ARHGEF10: variants seen among roughly 807,000 people sequenced by gnomAD.
ARHGEF10 encodes Rho guanine nucleotide exchange factor 10, also known as Rho guanine nucleotide exchange factor (GEF) 10.
In ARHGEF10, 140 loss-of-function variants were observed where a neutral mutation model predicts 147.4. The observed-to-expected ratio is 0.95, with a 90% confidence interval of 0.83 to 1.09. The LOEUF (loss-of-function observed/expected upper bound fraction) is 1.09. Among genes scored for constraint, ARHGEF10 ranks in the 50% least tolerant of loss-of-function variants. The probability of loss-of-function intolerance (pLI) is 0.00; values close to 1 mark genes in which losing one functional copy is unlikely to be tolerated. For missense variants in ARHGEF10, 2,222 were observed against 1,752.7 expected (o/e 1.27, Z -4.78); for synonymous variants, 902 against 695.8 (o/e 1.30, Z -4.67).
chr8:1,954,443 C>T (rs982866091), intron 28 of ARHGEF10, among the ~76,000 whole-genome samples: 10 of 151,124 alleles, frequency 6.6e-5, no homozygotes, highest in African/African-American at 2.2e-4. Context: ...GATGCTCAAC[C>T]GGCAAGTGCA....
At chr8:1,845,667 A>C (rs1290741716) in intron 2 of ARHGEF10, among the ~76,000 whole-genome samples, 1 of 152,186 alleles carries the variant, frequency 6.6e-6, no homozygotes, top group Non-Finnish European at 1.5e-5. Context: ...GCATTTGCTG[A>C]CGTCGTCATC....
Position 1,903,305 on chromosome 8 carries a change from G to C in ARHGEF10, c.1675G>C (p.Gly559Arg). 1 of 1,614,108 alleles carries C rather than the reference G, an allele frequency of 6.2e-7. No individual in the cohort carries two copies. The highest frequency in any genetic ancestry group is 8.5e-7 in the Non-Finnish European group (1 of 1,180,024). ...GGACATGCTGAAGAACACCTCCAAAGGCCACCCCGACAGGCTGCCTCTTCA... is the reference window on the plus strand; with the variant it reads ...GGACATGCTGAAGAACACCTCCAAACGCCACCCCGACAGGCTGCCTCTTCA... ...LQDMLKNTSK[G>R]HPDRLPLQMA... is the part of the protein sequence containing the mutation. The change falls in exon 16 of 29, where the codon GGC becomes CGC. Residue 559 changes from glycine (G) to arginine (R), a missense_variant. Coordinates refer to ENST00000349830, the MANE Select transcript of ARHGEF10 (RefSeq NM_014629.4).
At chr8:1,839,061 C>T (rs1022499643) in intron 1 of ARHGEF10, among the ~76,000 whole-genome samples, 7 of 149,214 alleles carry the variant, frequency 4.7e-5, no homozygotes, top group African/African-American at 1.2e-4. Context: ...GGAAGCTGTC[C>T]GATATGGGGA....
At chr8:1,876,791 G>C in intron 8 of ARHGEF10, 57 bp downstream of exon 8, 2 of 1,579,444 alleles carry the variant, frequency 1.3e-6, no homozygotes, top group Non-Finnish European at 1.7e-6. Flanking sequence ...CGGACAGGGG[G>C]CTGTGAATAT....
chr8:1,926,315 T>C (rs1563295475), intron 22 of ARHGEF10, 62 bp from the exon 23 acceptor site: 2 of 1,340,274 alleles, frequency 1.5e-6, no homozygotes, highest in East Asian at 4.6e-5. Flanking sequence ...TAAGACGTTA[T>C]GTAGTCTAGG....
intron 28 of ARHGEF10, among the ~76,000 whole-genome samples, chr8:1,953,116 A>C (rs1257718063): frequency 6.6e-6 from 1 of 152,280 alleles, no homozygotes; most frequent in Non-Finnish European, 1.5e-5. Flanking sequence ...GTGGAGAAGG[A>C]AGCCGGGATC....
At chr8:1,929,822 C>G (rs902795768) in intron 25 of ARHGEF10, among the ~76,000 whole-genome samples, 1 of 152,164 alleles carries the variant, frequency 6.6e-6, no homozygotes, top group African/African-American at 2.4e-5. Context: ...CTCTTTGCCC[C>G]GGTGCTGTGC....
At position 1,905,427 on chromosome 8, in the gene ARHGEF10, C is replaced by T. The variant is rs544570329; in HGVS notation, c.1822-144C>T. 5.0e-6 allele frequency: 5 copies of T among 991,220 alleles called. No individual in the cohort carries two copies. In the African/African-American group the frequency reaches 6.4e-5, roughly 13 times the overall value. The allele number at this position is 991,220 out of a possible 1,614,324, so 61.4% of individuals were successfully genotyped here. ...TGAGGAAGGAGGCGGATGTTCAGCG[C>T]AGTCACGGGGAACATAGGAACGATT... On this transcript the variant is annotated intron_variant, in intron 16 of 28. Coordinates refer to ENST00000349830, the MANE Select transcript of ARHGEF10 (RefSeq NM_014629.4).
intron 1 of ARHGEF10, among the ~76,000 whole-genome samples, chr8:1,841,944 AC>A (rs1804094782): frequency 1.2e-4 from 5 of 41,742 alleles, no homozygotes; most frequent in African/African-American, 8.0e-4. Flanking sequence ...TGGGGCCGCG[AC>A]CGGAACTGGG....
chr8:1,947,172 C>T (rs1814657580), intron 27 of ARHGEF10, among the ~76,000 whole-genome samples: 1 of 152,164 alleles, frequency 6.6e-6, no homozygotes, highest in Non-Finnish European at 1.5e-5. Context: ...AAAGCACGCT[C>T]TCACGCGGCA....
intron 11 of ARHGEF10, among the ~76,000 whole-genome samples, chr8:1,892,009 T>C (rs1339980097): frequency 6.7e-6 from 1 of 148,660 alleles, no homozygotes; most frequent in Non-Finnish European, 1.5e-5. Flanking sequence ...CAATAATATA[T>C]ATAGTATAAT....
chr8:1,881,359 C>G (rs192933847), intron 9 of ARHGEF10, among the ~76,000 whole-genome samples: 3,675 of 152,262 alleles, frequency 0.024, 56 homozygotes, highest in African/African-American at 0.051. Context: ...CCCTGAACGG[C>G]GCTGGCTGAA....
chr8:1,888,753 A>T (rs13252556), intron 11 of ARHGEF10, among the ~76,000 whole-genome samples: 1,129 of 12,944 alleles, frequency 0.087, 463 homozygotes, highest in East Asian at 0.51. Flanking sequence ...GACACTGAAT[A>T]GGGTGAGGTT....
chr8:1,919,924 A>C (rs1176866555), intron 18 of ARHGEF10, among the ~76,000 whole-genome samples: 2 of 142,780 alleles, frequency 1.4e-5, no homozygotes, highest in South Asian at 4.5e-4. Context: ...TGGATGATGG[A>C]GCTGTTCTAT....
rs73671057 is a variant in ARHGEF10, at chr8:1,929,242, A to C, written c.2922-44A>C. The stretch of plus-strand genomic sequence containing the variant: ...GTTAACAGGCACCCTCGTTCTTGTT[A>C]CAACGAGCAAATATATTTATTAGCT... On this transcript the variant is annotated intron_variant, in intron 24 of 28. Transcript: ENST00000349830. The C allele has an allele frequency of 1.2e-3, 1,947 of 1,604,214 alleles. 23 individuals are homozygous for C. In the African/African-American group the frequency reaches 0.023, roughly 19 times the overall value.
chr8:1,930,400 C>T (rs1354053455), intron 25 of ARHGEF10, among the ~76,000 whole-genome samples: 2 of 152,152 alleles, frequency 1.3e-5, no homozygotes, highest in African/African-American at 4.8e-5. Context: ...TGGATGGCAG[C>T]GTAGCCTCGC....
rs187526489 is a variant in ARHGEF10 at position 1,935,797 on chromosome 8, A to T, written c.3222+1855A>T. Among the ~76,000 whole-genome samples the T allele has an allele frequency of 1.5e-3, 227 of 152,322 alleles. 1 individual carries two copies. The highest frequency in any genetic ancestry group is 3.4e-3 in the Middle Eastern group (1 of 294). On this transcript the variant is annotated intron_variant, in intron 26 of 28. Coordinates refer to ENST00000349830, the MANE Select transcript of ARHGEF10 (RefSeq NM_014629.4). ...AGGAGCTGGGGAAATGAGGGCATCT[A>T]TGCCCCACAGAGCAGGTGAGCTCAG...
At chr8:1,825,655 T>A (rs2129028448) in intron 1 of ARHGEF10, among the ~76,000 whole-genome samples, 1 of 152,070 alleles carries the variant, frequency 6.6e-6, no homozygotes, top group East Asian at 2.0e-4. Flanking sequence ...GAAGGTGAGG[T>A]CTGAGTACCC....
rs1238493400 is a variant in ARHGEF10, at chr8:1,903,318, G to C, written c.1688G>C (p.Arg563Thr). The C allele has an allele frequency of 4.3e-6, 7 of 1,614,114 alleles. No homozygotes were observed. The highest frequency in any genetic ancestry group is 5.9e-6 in the Non-Finnish European group (7 of 1,180,024). The change falls in exon 16 of 29, where the codon AGG becomes ACG. Residue 563 changes from arginine to threonine, a missense_variant. Physicochemically the swap from Arg to Thr is moderately conservative, Grantham distance 71. Transcript: ENST00000349830. ...LKNTSKGHPD[R>T]LPLQMALTEL... ...AACACCTCCAAAGGCCACCCCGACA[G>C]GCTGCCTCTTCAGATGGCCCTGACA...
Sources: gnomAD v4.1 joint callset for allele counts (sites outside exome capture counted in the v4.1 genomes callset) on GRCh38, gnomAD v4.1.1 for gene constraint, MANE v1.5 for transcripts, NCBI Gene and HGNC (gene_info 2026-07-23, HGNC 2026-07-21) for gene names.